The following PCDH9 variants were observed in gnomAD, a reference collection of about 807,000 sequenced individuals.
PCDH9 encodes protocadherin 9, also known as protocadherin-9.
PCDH9 carries 24 observed loss-of-function variants against 70.6 expected under a neutral mutation model. That is an observed-to-expected ratio of 0.34 (90% confidence interval 0.25 to 0.48). The LOEUF is 0.48. Among genes scored for constraint, PCDH9 ranks in the 20% least tolerant of loss-of-function variants. The pLI is 0.99. For synonymous variants in PCDH9, 562 were observed against 558.5 expected (o/e 1.01, Z -0.09); for missense variants, 1,281 against 1,503.6 (o/e 0.85, Z 2.45).
At chr13:66,567,987 C>A (rs2076676960) in intron 4 of PCDH9, among the ~76,000 whole-genome samples, 1 of 152,124 alleles carries the variant, frequency 6.6e-6, no homozygotes. Context: ...AATAAACACA[C>A]CTACTGTGTG....
chr13:66,456,169 T>C (rs986679853), intron 4 of PCDH9, among the ~76,000 whole-genome samples: 14 of 152,262 alleles, frequency 9.2e-5, no homozygotes, highest in African/African-American at 3.4e-4. Flanking sequence ...CAAAAGTTAA[T>C]ATAATTATCT....
intron 2 of PCDH9, among the ~76,000 whole-genome samples, chr13:66,997,997 C>A (rs912984184): frequency 6.6e-6 from 1 of 152,182 alleles, no homozygotes; most frequent in African/African-American, 2.4e-5. Flanking sequence ...ATTCTCTTAG[C>A]ACTCACAATG....
intron 4 of PCDH9, among the ~76,000 whole-genome samples, chr13:66,608,103 A>G (rs1354678597): frequency 2.0e-5 from 3 of 152,152 alleles, no homozygotes; most frequent in Non-Finnish European, 4.4e-5. Flanking sequence ...AAGGTATTTT[A>G]CAACTGTATT....
rs80150767 is a variant in PCDH9 at position 66,628,122 on chromosome 13, C to A, written c.3340+3088G>T. On this transcript the variant is annotated intron_variant, in intron 4 of 4. Coordinates refer to ENST00000377865, the MANE Select transcript of PCDH9 (RefSeq NM_203487.3). ...AAAAATTATTTTCTAGCCGAAAAAA[C>A]AAAGATAAATACAAAACAAAACTTG... Among the ~76,000 whole-genome samples, 405 of 152,204 alleles carry A rather than the reference C, an allele frequency of 2.7e-3. 19 individuals are homozygous for A. In the East Asian group the frequency reaches 0.064, roughly 24 times the overall value.
intron 2 of PCDH9, among the ~76,000 whole-genome samples, chr13:67,182,166 A>T (rs1441517534): frequency 6.6e-6 from 1 of 152,202 alleles, no homozygotes; most frequent in Non-Finnish European, 1.5e-5. Context: ...AGGACTCATA[A>T]GTTAAACTAC....
intron 3 of PCDH9, among the ~76,000 whole-genome samples, chr13:66,760,898 C>A (rs570081608): frequency 1.2e-4 from 19 of 152,148 alleles, no homozygotes; most frequent in Admixed American, 3.3e-4. Context: ...TCCTTCAGCA[C>A]CCCCAGGCTT....
In PCDH9 at chr13:66,533,544, CT is replaced by C. The variant is rs1441235816; in HGVS notation, c.3340+97665del. ...TCATTGTTCCCTGGATCCTAAGATTCTTTTTTAGCTAGATCTTAAGACATTA... is the reference window on the plus strand; with the variant it reads ...TCATTGTTCCCTGGATCCTAAGATTCTTTTTAGCTAGATCTTAAGACATTA... On this transcript the variant is annotated intron_variant, in intron 4 of 4. Coordinates refer to ENST00000377865, the MANE Select transcript of PCDH9 (RefSeq NM_203487.3). Among the ~76,000 whole-genome samples the C allele has an allele frequency of 2.0e-5, 3 of 152,058 alleles. No homozygotes were observed. In the East Asian group the frequency reaches 5.8e-4, roughly 29 times the overall value.
At chr13:66,625,375 C>A (rs954167986) in intron 4 of PCDH9, among the ~76,000 whole-genome samples, 3 of 152,032 alleles carry the variant, frequency 2.0e-5, no homozygotes, top group Non-Finnish European at 2.9e-5. Context: ...TATTGCATTT[C>A]CTGTAAGAAC....
intron 3 of PCDH9, among the ~76,000 whole-genome samples, chr13:66,799,746 T>C (rs2080297816): frequency 6.6e-6 from 1 of 152,216 alleles, no homozygotes; most frequent in Non-Finnish European, 1.5e-5. Flanking sequence ...CCTCACCTTC[T>C]GTTAAATGGC....
intron 3 of PCDH9, among the ~76,000 whole-genome samples, chr13:66,800,759 C>A (rs896843817): frequency 1.3e-5 from 2 of 152,040 alleles, no homozygotes; most frequent in African/African-American, 4.8e-5. Context: ...TTTTATATCA[C>A]AATATAAGTC....
At chr13:66,728,569 G>A (rs191176444) in intron 3 of PCDH9, among the ~76,000 whole-genome samples, 10 of 152,116 alleles carry the variant, frequency 6.6e-5, no homozygotes, top group Admixed American at 5.9e-4. Flanking sequence ...TTGAGTTATT[G>A]TTTCTGCTGT....
intron 3 of PCDH9, among the ~76,000 whole-genome samples, chr13:66,674,301 A>G (rs1442446159): frequency 1.3e-5 from 2 of 152,072 alleles, no homozygotes; most frequent in Non-Finnish European, 2.9e-5. Flanking sequence ...TATCACTGTT[A>G]TTTTGCTTTA....
chr13:67,021,269 T>C (rs1022758311), intron 2 of PCDH9, among the ~76,000 whole-genome samples: 2 of 152,140 alleles, frequency 1.3e-5, no homozygotes. Context: ...GTTGAAGAGA[T>C]TAAGTGGAAT....
At position 66,304,440 on chromosome 13, in the gene PCDH9, G is replaced by A. The variant is rs1955426344; in HGVS notation, c.*215C>T. On this transcript the variant is annotated 3_prime_UTR_variant, in exon 5 of 5. Coordinates refer to ENST00000377865, the MANE Select transcript of PCDH9 (RefSeq NM_203487.3). ...TTTGCACAATGGAGAGATCTCTGGA[G>A]AGTGTAATCAATTCTAGTAAACAAA... 1.9e-6 allele frequency: 1 copy of A among 520,586 alleles called. No individual in the cohort carries two copies. The highest frequency in any genetic ancestry group is 2.9e-5 in the East Asian group (1 of 33,996). The allele number at this position is 520,586 out of a possible 1,614,324, so 32.2% of individuals were successfully genotyped here.
chr13:66,930,613 A>T (rs922653547), intron 2 of PCDH9, among the ~76,000 whole-genome samples: 1 of 152,136 alleles, frequency 6.6e-6, no homozygotes, highest in Non-Finnish European at 1.5e-5. Context: ...TCCTGTTGCC[A>T]TTCATCTATT....
intron 4 of PCDH9, among the ~76,000 whole-genome samples, chr13:66,584,240 A>T (rs763766435): frequency 6.6e-6 from 1 of 152,172 alleles, no homozygotes; most frequent in Admixed American, 6.5e-5. Flanking sequence ...TTTATGATCT[A>T]TATCTTACAA....
chr13:66,751,490 T>C (rs2079458254), intron 3 of PCDH9, among the ~76,000 whole-genome samples: 1 of 152,206 alleles, frequency 6.6e-6, no homozygotes, highest in Admixed American at 6.5e-5. Context: ...CTGTCAGAGA[T>C]AGAATTTGAC....
intron 3 of PCDH9, among the ~76,000 whole-genome samples, chr13:66,762,033 C>A (rs1323505483): frequency 2.0e-5 from 3 of 152,022 alleles, no homozygotes; most frequent in Non-Finnish European, 4.4e-5. Flanking sequence ...TGCCTTTCAA[C>A]AGTAAGCTTG....
chr13:66,968,736 A>G (rs2083469826), intron 2 of PCDH9, among the ~76,000 whole-genome samples: 1 of 152,012 alleles, frequency 6.6e-6, no homozygotes, highest in South Asian at 2.1e-4. Flanking sequence ...ATATCACAAC[A>G]CCAGAAACCT....
Sources: allele counts gnomAD v4.1 joint callset (sites outside exome capture counted in the v4.1 genomes callset), GRCh38; gene constraint gnomAD v4.1.1; transcripts MANE v1.5; gene names NCBI Gene and HGNC (gene_info 2026-07-23, HGNC 2026-07-21).